PELI2: variants seen among roughly 807,000 people sequenced by gnomAD.
The protein encoded by PELI2 is E3 ubiquitin-protein ligase pellino homolog 2.
In PELI2, 23 loss-of-function variants were observed where a neutral mutation model predicts 42.3. The observed-to-expected ratio is 0.54, with a 90% CI of 0.39 to 0.77. The LOEUF (loss-of-function observed/expected upper bound fraction) is 0.77, where lower values mean the gene tolerates loss of function less well. Ranked by LOEUF, PELI2 falls within the 30% of genes least tolerant of loss-of-function variation. The pLI, the probability that PELI2 is intolerant of heterozygous loss-of-function variation, is 0.00. For missense variants in PELI2, 463 were observed against 553.2 expected (o/e 0.84, Z 1.64); for synonymous variants, 245 against 212.2 (o/e 1.15, Z -1.34).
In PELI2 at chr14:56,296,799, A is replaced by G; in HGVS notation, c.896A>G (p.Lys299Arg). 6.2e-7 allele frequency: 1 copy of G among 1,614,094 alleles called. No homozygotes were observed. The highest frequency in any genetic ancestry group is 1.1e-5 in the South Asian group (1 of 91,074). ...CTGGCCTTCCCCAGCATCAACAGGAAAGAGGTGGTGGAGGAGAAGCAGCCC... is the reference window on the plus strand; with the variant it reads ...CTGGCCTTCCCCAGCATCAACAGGAGAGAGGTGGTGGAGGAGAAGCAGCCC... ...NTLAFPSINRKEVVEEKQPWA... is the reference protein window; with the variant it reads ...NTLAFPSINRREVVEEKQPWA... The change falls in exon 6 of 6, where the codon AAA becomes AGA. Residue 299 changes from lysine (K) to arginine (R), a missense_variant. Physicochemically the swap from Lys to Arg is conservative, Grantham distance 26. Coordinates refer to ENST00000267460, the MANE Select transcript of PELI2 (RefSeq NM_021255.3).
At chr14:56,195,819 T>A (rs948795944) in intron 2 of PELI2, among the ~76,000 whole-genome samples, 1 of 152,212 alleles carries the variant, frequency 6.6e-6, no homozygotes, top group African/African-American at 2.4e-5. Context: ...TCTGCCCAGC[T>A]GGCAGTTTGG....
At chr14:56,222,310 G>T (rs1328726638) in intron 2 of PELI2, among the ~76,000 whole-genome samples, 1 of 152,188 alleles carries the variant, frequency 6.6e-6, no homozygotes, top group African/African-American at 2.4e-5. Flanking sequence ...GCTGGATGTA[G>T]ATCAGAAGTG....
At chr14:56,173,034 A>T (rs1437963504) in intron 1 of PELI2, among the ~76,000 whole-genome samples, 1 of 151,990 alleles carries the variant, frequency 6.6e-6, no homozygotes, top group African/African-American at 2.4e-5. Flanking sequence ...TGAGTAGCCT[A>T]TATTATTCTC....
At chr14:56,229,251 C>G (rs1244018657) in intron 2 of PELI2, among the ~76,000 whole-genome samples, 1 of 152,308 alleles carries the variant, frequency 6.6e-6, no homozygotes, top group Non-Finnish European at 1.5e-5. Context: ...TAGTGGTTCT[C>G]CCAGCACGGA....
intron 2 of PELI2, among the ~76,000 whole-genome samples, chr14:56,212,801 C>T (rs1350248624): frequency 6.6e-6 from 1 of 152,216 alleles, no homozygotes; most frequent in African/African-American, 2.4e-5. Flanking sequence ...GGGATGTGTT[C>T]CAGTGGCCAG....
chr14:56,129,815 C>T (rs1266956400), intron 1 of PELI2, among the ~76,000 whole-genome samples: 1 of 152,160 alleles, frequency 6.6e-6, no homozygotes, highest in African/African-American at 2.4e-5. Flanking sequence ...AGCCCCCAGA[C>T]CAGCCCCTCT....
chr14:56,172,469 C>T (rs1484886082), intron 1 of PELI2, among the ~76,000 whole-genome samples: 1 of 152,196 alleles, frequency 6.6e-6, no homozygotes, highest in Non-Finnish European at 1.5e-5. Flanking sequence ...GAGTTAGACT[C>T]CACCTCTTAG....
intron 2 of PELI2, among the ~76,000 whole-genome samples, chr14:56,252,275 T>G (rs1888374197): frequency 1.3e-5 from 2 of 152,188 alleles, no homozygotes; most frequent in African/African-American, 4.8e-5. Context: ...CACTCCTGTT[T>G]TAGAGTAATA....
chr14:56,152,327 C>T (rs962900158), intron 1 of PELI2, among the ~76,000 whole-genome samples: 15 of 152,164 alleles, frequency 9.9e-5, no homozygotes, highest in African/African-American at 3.1e-4. Flanking sequence ...ACCTACTTCA[C>T]GGGGTTATAG....
At chr14:56,124,542 C>T (rs148135053) in intron 1 of PELI2, among the ~76,000 whole-genome samples, 10 of 152,294 alleles carry the variant, frequency 6.6e-5, no homozygotes, top group East Asian at 3.9e-4. Flanking sequence ...TGTGAATAAC[C>T]GTTACTGATA....
At chr14:56,139,030 AT>A (rs1418696724) in intron 1 of PELI2, among the ~76,000 whole-genome samples, 2 of 152,124 alleles carry the variant, frequency 1.3e-5, no homozygotes, top group Non-Finnish European at 2.9e-5. Flanking sequence ...TACTGGAGGG[AT>A]TTTCAGAATT....
At chr14:56,248,822 C>T (rs556703486) in intron 2 of PELI2, among the ~76,000 whole-genome samples, 15 of 151,918 alleles carry the variant, frequency 9.9e-5, no homozygotes, top group South Asian at 2.1e-4. Flanking sequence ...AAACCCTCCC[C>T]GGGGGTTGCT....
intron 2 of PELI2, among the ~76,000 whole-genome samples, chr14:56,249,821 C>T (rs1052577760): frequency 1.3e-5 from 2 of 152,176 alleles, no homozygotes; most frequent in African/African-American, 4.8e-5. Context: ...TCAATGTGTG[C>T]CCTGACTCAG....
At chr14:56,204,573 A>G (rs1410521221) in intron 2 of PELI2, among the ~76,000 whole-genome samples, 1 of 152,202 alleles carries the variant, frequency 6.6e-6, no homozygotes, top group African/African-American at 2.4e-5. Flanking sequence ...GCTGGCATTC[A>G]GAAGGCTTAA....
At chr14:56,203,828 C>A (rs1886424362) in intron 2 of PELI2, among the ~76,000 whole-genome samples, 1 of 152,106 alleles carries the variant, frequency 6.6e-6, no homozygotes, top group Admixed American at 6.5e-5. Context: ...TCTCACCCTA[C>A]TCTAAATTAG....
intron 5 of PELI2, among the ~76,000 whole-genome samples, chr14:56,290,926 T>C (rs1329990726): frequency 6.6e-6 from 1 of 152,238 alleles, no homozygotes; most frequent in Non-Finnish European, 1.5e-5. Context: ...GGCAGAATTC[T>C]CTATACTGTC....
intron 2 of PELI2, among the ~76,000 whole-genome samples, chr14:56,276,263 T>A (rs1054437259): frequency 6.6e-6 from 1 of 152,178 alleles, no homozygotes; most frequent in Non-Finnish European, 1.5e-5. Context: ...CTTTAATACA[T>A]GGAAACAAGG....
chr14:56,230,723 A>G (rs1887529826), intron 2 of PELI2, among the ~76,000 whole-genome samples: 1 of 152,180 alleles, frequency 6.6e-6, no homozygotes, highest in Non-Finnish European at 1.5e-5. Flanking sequence ...TAACATCACA[A>G]TGACAGGATC....
At chr14:56,272,494 C>G (rs1889141649) in intron 2 of PELI2, among the ~76,000 whole-genome samples, 1 of 152,168 alleles carries the variant, frequency 6.6e-6, no homozygotes, top group East Asian at 1.9e-4. Context: ...TGCAAAGCAG[C>G]CTCATAGTTT....
Sources: allele counts gnomAD v4.1 joint callset (sites outside exome capture counted in the v4.1 genomes callset), GRCh38; gene constraint gnomAD v4.1.1; transcripts MANE v1.5; gene names NCBI Gene and HGNC (gene_info 2026-07-23, HGNC 2026-07-21).